OPCML: variants seen among roughly 807,000 people sequenced by gnomAD.
The protein encoded by OPCML is opioid binding protein/cell adhesion molecule like, also known as opioid-binding protein/cell adhesion molecule.
In OPCML, 13 loss-of-function variants were observed where a neutral mutation model predicts 37.8. The ratio of observed to expected loss-of-function variants is 0.34; its 90% confidence interval spans 0.22 to 0.55. The LOEUF is 0.55. OPCML is among the 20% of genes least tolerant of loss of function. The pLI is 0.91. For missense variants in OPCML, 341 were observed against 435.6 expected, an observed-to-expected ratio of 0.78 and a Z score of 1.93; for synonymous variants, 176 against 168.8, an observed-to-expected ratio of 1.04 and a Z score of -0.33.
At position 133,151,111 on chromosome 11, in the gene OPCML, A is replaced by G. The variant is rs183846679; in HGVS notation, c.62-208101T>C. Among the ~76,000 whole-genome samples the G allele has an allele frequency of 1.8e-3, 273 of 151,922 alleles. 4 individuals carry two copies. Among genetic ancestry groups the G allele is most frequent in the Admixed American group, 0.013 (200 of 15,262 alleles). ...AACGTGGTGAAACCCGGTCTCTGCT[A>G]AAAATACAAAAATTAGCTGGGCGTG... On this transcript the variant is annotated intron_variant, in intron 1 of 7. Coordinates refer to ENST00000524381, the MANE Select transcript of OPCML (RefSeq NM_001012393.5).
intron 3 of OPCML, among the ~76,000 whole-genome samples, chr11:132,573,226 T>C (rs2096442595): frequency 6.6e-6 from 1 of 151,946 alleles, no homozygotes; most frequent in Non-Finnish European, 1.5e-5. Context: ...TGGATGTTTT[T>C]TAAACCTTTT....
intron 1 of OPCML, among the ~76,000 whole-genome samples, chr11:133,060,915 A>G (rs1416737459): frequency 6.6e-6 from 1 of 152,270 alleles, no homozygotes; most frequent in African/African-American, 2.4e-5. Flanking sequence ...GCCCCCCTCA[A>G]CAAGATCACT....
At position 132,416,942 on chromosome 11, in the gene OPCML, T is replaced by C. The variant is rs1199227343; in HGVS notation, c.*3251A>G. 6 of 152,590 alleles carry C rather than the reference T, an allele frequency of 3.9e-5. No individual in the cohort carries two copies. The East Asian group carries it at 1.2e-3, about 29-fold the overall frequency. 9.5% of individuals were successfully genotyped at this position (152,590 alleles called of 1,614,324 possible). On this transcript the variant is annotated 3_prime_UTR_variant, in exon 8 of 8. Coordinates refer to ENST00000524381, the MANE Select transcript of OPCML (RefSeq NM_001012393.5). ...CTTAACACGAGCACTTTCATTGGCA[T>C]TACTTTGGTGGAAGTGCATATGAAC...
intron 1 of OPCML, among the ~76,000 whole-genome samples, chr11:132,982,532 T>C (rs1296903082): frequency 6.8e-6 from 1 of 146,978 alleles, no homozygotes; most frequent in Admixed American, 6.7e-5. Context: ...AAAAAAAAAG[T>C]TGTAGCTACA....
chr11:133,387,530 A>T (rs1420834183), intron 1 of OPCML, among the ~76,000 whole-genome samples: 1 of 152,242 alleles, frequency 6.6e-6, no homozygotes, highest in Non-Finnish European at 1.5e-5. Flanking sequence ...TTCTATGAGA[A>T]GTTACCTGAC....
chr11:133,490,093 C>T (rs76946697), intron 1 of OPCML, among the ~76,000 whole-genome samples: 1 of 152,212 alleles, frequency 6.6e-6, no homozygotes, highest in Admixed American at 6.5e-5. Flanking sequence ...AGGATATATA[C>T]CCTAAAATCA....
chr11:132,597,821 A>T (rs891498373), intron 3 of OPCML, among the ~76,000 whole-genome samples: 4 of 152,194 alleles, frequency 2.6e-5, no homozygotes, highest in Non-Finnish European at 5.9e-5. Context: ...CGTAACAAAA[A>T]TATCCTTTAT....
intron 2 of OPCML, among the ~76,000 whole-genome samples, chr11:132,750,510 C>T (rs1467858277): frequency 1.3e-5 from 2 of 152,012 alleles, no homozygotes; most frequent in African/African-American, 4.8e-5. Flanking sequence ...GGCATGGGTG[C>T]GTGCACACTC....
At chr11:133,252,608 C>T (rs1466549184) in intron 1 of OPCML, among the ~76,000 whole-genome samples, 1 of 152,132 alleles carries the variant, frequency 6.6e-6, no homozygotes, top group African/African-American at 2.4e-5. Context: ...TGGCTATTTT[C>T]TTCTAGGAAT....
At chr11:132,762,627 C>A (rs1946303133) in intron 2 of OPCML, among the ~76,000 whole-genome samples, 1 of 152,166 alleles carries the variant, frequency 6.6e-6, no homozygotes, top group South Asian at 2.1e-4. Flanking sequence ...GGGAAAACCA[C>A]CTATTCAAGC....
At chr11:132,857,656 G>GA (rs1942112505) in intron 2 of OPCML, among the ~76,000 whole-genome samples, 2 of 152,118 alleles carry the variant, frequency 1.3e-5, no homozygotes, top group Admixed American at 1.3e-4. Context: ...TAAGAAACAT[G>GA]CAAAGCTATA....
intron 1 of OPCML, among the ~76,000 whole-genome samples, chr11:133,155,417 A>T (rs1341087670): frequency 2.6e-5 from 4 of 152,056 alleles, no homozygotes; most frequent in Non-Finnish European, 5.9e-5. Context: ...CTTCTTAGGG[A>T]TCATTCTGAC....
chr11:132,948,293 G>C (rs767933825), intron 1 of OPCML, among the ~76,000 whole-genome samples: 1 of 152,266 alleles, frequency 6.6e-6, no homozygotes, highest in Non-Finnish European at 1.5e-5. Context: ...GAAGGAGTGA[G>C]AGGAAGGCCT....
chr11:132,426,340 GCAA>G (rs112791353), intron 7 of OPCML, among the ~76,000 whole-genome samples: 17 of 152,112 alleles, frequency 1.1e-4, no homozygotes, highest in South Asian at 1.0e-3. Context: ...AAGACACATA[GCAA>G]CAACAACAAC....
chr11:132,970,818 G>T (rs1295454802), intron 1 of OPCML, among the ~76,000 whole-genome samples: 1 of 152,096 alleles, frequency 6.6e-6, no homozygotes, highest in Non-Finnish European at 1.5e-5. Flanking sequence ...GCCTCCTGTA[G>T]TACTCATAGC....
At chr11:133,472,260 C>T (rs1363804006) in intron 1 of OPCML, among the ~76,000 whole-genome samples, 2 of 152,078 alleles carry the variant, frequency 1.3e-5, no homozygotes, top group Admixed American at 1.3e-4. Flanking sequence ...TTTAGTAGTA[C>T]AATATGGCCT....
chr11:133,334,375 C>T (rs1049807333), intron 1 of OPCML, among the ~76,000 whole-genome samples: 7 of 152,140 alleles, frequency 4.6e-5, no homozygotes, highest in African/African-American at 1.7e-4. Flanking sequence ...GGCTATCATC[C>T]TTAGCAAACT....
At chr11:133,417,790 A>G (rs529286551) in intron 1 of OPCML, among the ~76,000 whole-genome samples, 16 of 151,992 alleles carry the variant, frequency 1.1e-4, no homozygotes, top group African/African-American at 2.9e-4. Context: ...ACTAAATTCT[A>G]TGCCTTGTGT....
In OPCML at chr11:133,349,314, C is replaced by T. The variant is rs115865869; in HGVS notation, c.61+182950G>A. Among the ~76,000 whole-genome samples the T allele has an allele frequency of 2.7e-3, 416 of 152,320 alleles. 1 individual carries two copies. The highest frequency in any genetic ancestry group is 9.7e-3 in the African/African-American group (404 of 41,564). ...ATACATTTATAGACTTAGCAATGCACAGTTTTGAGGGAGATGTTTAACTTT... is the reference window on the plus strand; with the variant it reads ...ATACATTTATAGACTTAGCAATGCATAGTTTTGAGGGAGATGTTTAACTTT... On this transcript the variant is annotated intron_variant, in intron 1 of 7. Transcript: ENST00000524381.
Sources: allele counts gnomAD v4.1 joint callset (sites outside exome capture counted in the v4.1 genomes callset), GRCh38; gene constraint gnomAD v4.1.1; transcripts MANE v1.5; gene names NCBI Gene and HGNC (gene_info 2026-07-23, HGNC 2026-07-21).